The following DAAM2 variants were observed in gnomAD, a reference collection of about 807,000 sequenced individuals.
DAAM2 encodes dishevelled associated activator of morphogenesis 2.
DAAM2 carries 39 observed loss-of-function variants against 120.7 expected under a neutral mutation model. That is an observed-to-expected ratio of 0.32 (90% CI 0.25 to 0.42). The LOEUF (loss-of-function observed/expected upper bound fraction) is 0.42, where lower values mean the gene tolerates loss of function less well. DAAM2 is among the 10% of genes least tolerant of loss of function. The probability of loss-of-function intolerance (pLI) is 1.00; values close to 1 mark genes in which losing one functional copy is unlikely to be tolerated. For synonymous variants in DAAM2, 488 were observed against 524.9 expected (o/e 0.93, Z 0.96); for missense variants, 1,283 against 1,401.7 (o/e 0.92, Z 1.35).
At chr6:39,813,318 C>T (rs538399844) in intron 1 of DAAM2, among the ~76,000 whole-genome samples, 2 of 152,280 alleles carry the variant, frequency 1.3e-5, no homozygotes, top group East Asian at 1.9e-4. Flanking sequence ...TCTGGCTGCT[C>T]TTCCACTAGG....
intron 22 of DAAM2, chr6:39,899,822 A>C (rs530642105): frequency 1.7e-4 from 59 of 346,582 alleles, no homozygotes; most frequent in Non-Finnish European, 3.1e-4. Context: ...TGTATTTCTC[A>C]TAATTTCCTA....
intron 1 of DAAM2, among the ~76,000 whole-genome samples, chr6:39,798,791 T>TC (rs1400223427): frequency 6.6e-6 from 1 of 152,162 alleles, no homozygotes; most frequent in African/African-American, 2.4e-5. Context: ...TCCCTTTTTT[T>TC]CTCAAATTCC....
chr6:39,800,943 G>A lies in DAAM2; in HGVS notation c.-57+8478G>A, dbSNP rs114694190. 7.8e-3 allele frequency among the ~76,000 whole-genome samples: 1,183 copies of A among 152,204 alleles called. 3 individuals carry two copies. The highest frequency in any genetic ancestry group is 0.014 in the Middle Eastern group (4 of 292). The stretch of plus-strand genomic sequence containing the variant: ...CCCACTGTACTCCATCCCAGAGTCT[G>A]CATCCCAAGAAGAAACCCTACCTAC... On this transcript the variant is annotated intron_variant, in intron 1 of 24. Transcript: ENST00000274867.
chr6:39,839,031 TC>T (rs1763219966), intron 1 of DAAM2, among the ~76,000 whole-genome samples: 1 of 151,766 alleles, frequency 6.6e-6, no homozygotes, highest in Admixed American at 6.6e-5. Context: ...TGGTCCCCCC[TC>T]TCTCTCCTCC....
chr6:39,804,692 C>T lies in DAAM2; in HGVS notation c.-57+12227C>T, dbSNP rs73732201. On this transcript the variant is annotated intron_variant, in intron 1 of 24. Transcript: ENST00000274867. ...CCAGCCTTCCTCTAATTAGCTGCAC[C>T]GCCATAGATGAGCTTCTGAGCATTT... is the stretch of plus-strand genomic sequence containing the variant. Among the ~76,000 whole-genome samples the T allele has an allele frequency of 5.5e-3, 839 of 152,276 alleles. 6 individuals carry two copies. Among genetic ancestry groups the T allele is most frequent in the African/African-American group, 0.015 (616 of 41,550 alleles).
At chr6:39,838,653 C>CTT (rs992244726) in intron 1 of DAAM2, among the ~76,000 whole-genome samples, 1 of 152,066 alleles carries the variant, frequency 6.6e-6, no homozygotes, top group Non-Finnish European at 1.5e-5. Context: ...TTGGGACTTT[C>CTT]TTTTTTCTTT....
Position 39,805,221 on chromosome 6 carries a change from C to G in DAAM2, c.-57+12756C>G, listed in dbSNP as rs77329222. 7.9e-3 allele frequency among the ~76,000 whole-genome samples: 1,196 copies of G among 152,180 alleles called. 18 individuals are homozygous for G. Among genetic ancestry groups the G allele is most frequent in the African/African-American group, 0.027 (1,136 of 41,522 alleles). ...GCACAGTGATTTCTAGTGCAGATTC[C>G]GGGAGTCAAACTAGTGGGACCTAAA... On this transcript the variant is annotated intron_variant, in intron 1 of 24. Coordinates refer to ENST00000274867, the MANE Select transcript of DAAM2 (RefSeq NM_001201427.2).
chr6:39,839,899 C>T (rs1206505486), intron 1 of DAAM2, among the ~76,000 whole-genome samples: 1 of 152,094 alleles, frequency 6.6e-6, no homozygotes, highest in Non-Finnish European at 1.5e-5. Context: ...GCGGGAGTAC[C>T]TGTGTGTTGG....
chr6:39,883,627 G>A, intron 14 of DAAM2: 1 of 272,802 alleles, frequency 3.7e-6, no homozygotes, highest in Non-Finnish European at 7.0e-6. Context: ...AGTACCCTGA[G>A]TGCAGCTTCT....
intron 15 of DAAM2, chr6:39,886,840 A>G (rs1765404547): frequency 5.3e-6 from 1 of 188,036 alleles, no homozygotes; most frequent in Non-Finnish European, 1.1e-5. Flanking sequence ...CACACTAGAC[A>G]GCCTCCTGTC....
At chr6:39,850,130 C>T (rs1449393613) in intron 1 of DAAM2, among the ~76,000 whole-genome samples, 1 of 152,210 alleles carries the variant, frequency 6.6e-6, no homozygotes, top group Non-Finnish European at 1.5e-5. Flanking sequence ...TACTCGCATA[C>T]CCTTTCCATT....
At chr6:39,900,550 A>G (rs1173761483) in intron 23 of DAAM2, among the ~76,000 whole-genome samples, 1 of 152,202 alleles carries the variant, frequency 6.6e-6, no homozygotes, top group Non-Finnish European at 1.5e-5. Context: ...TAAGTTATAG[A>G]ACTGGGTTAG....
At position 39,856,306 on chromosome 6, in the gene DAAM2, G is replaced by A; in HGVS notation, c.4G>A (p.Ala2Thr). The A allele has an allele frequency of 6.5e-7, 1 of 1,529,012 alleles. No homozygotes were observed. Among genetic ancestry groups the A allele is most frequent in the Non-Finnish European group, 8.8e-7 (1 of 1,137,876 alleles). 94.7% of individuals were successfully genotyped at this position (1,529,012 alleles called of 1,614,324 possible). Residue 2 changes from alanine to threonine, a missense_variant, in exon 2 of 25, where the codon GCC (alanine) becomes ACC (threonine). By Grantham distance (58) the Ala-to-Thr change is moderately conservative. Coordinates refer to ENST00000274867, the MANE Select transcript of DAAM2 (RefSeq NM_001201427.2). MAPRKRSHHGLG... is the reference protein window; with the variant it reads MTPRKRSHHGLG... ...CGCCCCCTGGCCTGCAGTGACCATG[G>A]CCCCCCGCAAGAGGAGCCACCATGG...
chr6:39,813,166 G>GTA (rs1491289827), intron 1 of DAAM2, among the ~76,000 whole-genome samples: 6 of 151,194 alleles, frequency 4.0e-5, no homozygotes, highest in Non-Finnish European at 8.8e-5. Context: ...GTGTGTGTGT[G>GTA]CGTGTGTGTG....
At chr6:39,885,331 G>C (rs1765328272) in intron 15 of DAAM2, 1 of 152,034 alleles carries the variant, frequency 6.6e-6, no homozygotes, top group Non-Finnish European at 1.5e-5. Context: ...GGCTGCTGGA[G>C]CTGAAAGGAA....
At chr6:39,825,754 G>A (rs113406404) in intron 1 of DAAM2, among the ~76,000 whole-genome samples, 1 of 152,146 alleles carries the variant, frequency 6.6e-6, no homozygotes, top group Non-Finnish European at 1.5e-5. Flanking sequence ...TCTTTCCCAG[G>A]TGTACAAGCC....
At chr6:39,860,363 C>G (rs1331227590) in intron 2 of DAAM2, among the ~76,000 whole-genome samples, 5 of 152,198 alleles carry the variant, frequency 3.3e-5, no homozygotes, top group Admixed American at 2.0e-4. Flanking sequence ...CTCTGAGCAG[C>G]CCCTTGTCCT....
chr6:39,899,815 A>G (rs1427929571), intron 22 of DAAM2: 2 of 335,128 alleles, frequency 6.0e-6, no homozygotes, highest in East Asian at 6.2e-5. Flanking sequence ...GAGAGTCTGT[A>G]TTTCTCATAA....
intron 14 of DAAM2, chr6:39,879,710 A>G: frequency 1.6e-6 from 1 of 609,786 alleles, no homozygotes; most frequent in South Asian, 1.9e-5. Context: ...TGACAAAGTC[A>G]TCTACAAATG....
Sources: gnomAD v4.1 joint callset for allele counts (sites outside exome capture counted in the v4.1 genomes callset) on GRCh38, gnomAD v4.1.1 for gene constraint, MANE v1.5 for transcripts, NCBI Gene and HGNC (gene_info 2026-07-23, HGNC 2026-07-21) for gene names.